The following PCDH9 variants were observed in gnomAD, a reference collection of about 807,000 sequenced individuals.
PCDH9 encodes protocadherin-9.
A neutral mutation model predicts 70.6 loss-of-function variants in PCDH9; 24 were observed. The observed-to-expected ratio is 0.34, with a 90% CI of 0.25 to 0.48. The LOEUF is 0.48. Among genes scored for constraint, PCDH9 ranks in the 20% least tolerant of loss-of-function variants. The pLI, the probability that PCDH9 is intolerant of heterozygous loss-of-function variation, is 0.99. For missense variants in PCDH9, 1,281 were observed against 1,503.6 expected (o/e 0.85, Z 2.45); for synonymous variants, 562 against 558.5 (o/e 1.01, Z -0.09).
At chr13:66,512,274 C>A (rs1959512005) in intron 4 of PCDH9, among the ~76,000 whole-genome samples, 1 of 134,452 alleles carries the variant, frequency 7.4e-6, no homozygotes, top group African/African-American at 2.9e-5. Context: ...ATACAGATAC[C>A]TTAGGAATTA....
chr13:66,308,045 G>A (rs889453654), intron 4 of PCDH9, among the ~76,000 whole-genome samples: 2 of 152,060 alleles, frequency 1.3e-5, no homozygotes, highest in Non-Finnish European at 2.9e-5. Flanking sequence ...TCCTCATGAA[G>A]CTGGGAGCTA....
intron 4 of PCDH9, among the ~76,000 whole-genome samples, chr13:66,427,012 T>C (rs151075665): frequency 5.9e-5 from 9 of 151,586 alleles, no homozygotes; most frequent in Admixed American, 4.6e-4. Context: ...TATGAACACA[T>C]AGCAAAACAA....
intron 3 of PCDH9, among the ~76,000 whole-genome samples, chr13:66,681,483 C>T (rs1433961905): frequency 6.6e-6 from 1 of 152,064 alleles, no homozygotes; most frequent in East Asian, 1.9e-4. Context: ...CTCCAAAATG[C>T]TTAACAGGAC....
At chr13:66,773,146 C>T (rs113455975) in intron 3 of PCDH9, among the ~76,000 whole-genome samples, 5 of 152,254 alleles carry the variant, frequency 3.3e-5, no homozygotes, top group African/African-American at 1.2e-4. Flanking sequence ...GTTTCCATCA[C>T]ATCAAAGACA....
intron 2 of PCDH9, among the ~76,000 whole-genome samples, chr13:67,095,995 A>G (rs1037517782): frequency 6.6e-6 from 1 of 152,234 alleles, no homozygotes; most frequent in African/African-American, 2.4e-5. Context: ...GTAAAATTAT[A>G]CACATTATAG....
intron 3 of PCDH9, among the ~76,000 whole-genome samples, chr13:66,766,041 G>A (rs2079712085): frequency 6.6e-6 from 1 of 151,870 alleles, no homozygotes; most frequent in Non-Finnish European, 1.5e-5. Context: ...GTCTATTTAT[G>A]AAGCCAAATT....
chr13:66,612,495 G>T (rs2077304854), intron 4 of PCDH9, among the ~76,000 whole-genome samples: 2 of 152,266 alleles, frequency 1.3e-5, no homozygotes, highest in Non-Finnish European at 2.9e-5. Flanking sequence ...TTGTAAAGTT[G>T]CCAGATAAAA....
intron 3 of PCDH9, among the ~76,000 whole-genome samples, chr13:66,719,956 A>G (rs928232309): frequency 2.6e-5 from 4 of 152,202 alleles, no homozygotes; most frequent in Admixed American, 1.3e-4. Context: ...GTTCCACAGA[A>G]GAAGGAAGTA....
intron 3 of PCDH9, among the ~76,000 whole-genome samples, chr13:66,891,465 C>G (rs1419690936): frequency 6.6e-6 from 1 of 152,008 alleles, no homozygotes; most frequent in African/African-American, 2.4e-5. Context: ...TGCATGCCTA[C>G]AAATTGCTTA....
intron 2 of PCDH9, among the ~76,000 whole-genome samples, chr13:66,988,020 T>C (rs1160142600): frequency 1.3e-5 from 2 of 151,880 alleles, no homozygotes; most frequent in Admixed American, 1.3e-4. Context: ...CTGCCTCAGC[T>C]TCCCTGGTAG....
At chr13:66,904,947 T>C (rs2082336055) in intron 2 of PCDH9, among the ~76,000 whole-genome samples, 2 of 152,084 alleles carry the variant, frequency 1.3e-5, no homozygotes, top group African/African-American at 4.8e-5. Context: ...ATTTTATATC[T>C]GTTCTCTCTC....
At chr13:67,049,754 T>C (rs1316924674) in intron 2 of PCDH9, among the ~76,000 whole-genome samples, 1 of 152,192 alleles carries the variant, frequency 6.6e-6, no homozygotes, top group East Asian at 1.9e-4. Flanking sequence ...CTCTTGTACC[T>C]CAGCAGTTTA....
intron 3 of PCDH9, among the ~76,000 whole-genome samples, chr13:66,887,757 A>G (rs1443133803): frequency 6.6e-6 from 1 of 152,234 alleles, no homozygotes; most frequent in Non-Finnish European, 1.5e-5. Flanking sequence ...TTGTAAATAA[A>G]CTAGGCACTA....
At chr13:67,065,947 G>T (rs9540987) in intron 2 of PCDH9, among the ~76,000 whole-genome samples, 14,785 of 152,050 alleles carry the variant, frequency 0.097, 791 homozygotes, top group Non-Finnish European at 0.12. Flanking sequence ...ATCATGATTC[G>T]AAAAGAGTCA....
intron 2 of PCDH9, among the ~76,000 whole-genome samples, chr13:67,175,865 C>A (rs3013590): frequency 0.94 from 142,973 of 152,060 alleles, 67,461 homozygotes; most frequent in Non-Finnish European, 0.98. Flanking sequence ...AGAGATGCAC[C>A]AAAATTCAGA....
chr13:66,592,163 A>T (rs1480164652), intron 4 of PCDH9, among the ~76,000 whole-genome samples: 1 of 151,742 alleles, frequency 6.6e-6, no homozygotes, highest in Non-Finnish European at 1.5e-5. Context: ...GACTAAATTC[A>T]TCATTAAGAA....
intron 2 of PCDH9, chr13:67,214,086 G>A (rs1387229580): frequency 4.6e-5 from 7 of 152,116 alleles, no homozygotes; most frequent in Non-Finnish European, 1.5e-5. Context: ...GGGTACTACC[G>A]TAGTGTGTAA....
intron 3 of PCDH9, among the ~76,000 whole-genome samples, chr13:66,637,060 A>T (rs1301497335): frequency 6.6e-6 from 1 of 152,138 alleles, no homozygotes; most frequent in Non-Finnish European, 1.5e-5. Context: ...TTTTATAAGA[A>T]CACAATTTAA....
intron 3 of PCDH9, among the ~76,000 whole-genome samples, chr13:66,795,065 A>G (rs2080220811): frequency 6.6e-6 from 1 of 151,978 alleles, no homozygotes; most frequent in East Asian, 1.9e-4. Flanking sequence ...AGGGTAATAA[A>G]GTATCTTAAG....
Sources: gnomAD v4.1 joint callset for allele counts (sites outside exome capture counted in the v4.1 genomes callset) on GRCh38, gnomAD v4.1.1 for gene constraint, MANE v1.5 for transcripts, NCBI Gene and HGNC (gene_info 2026-07-23, HGNC 2026-07-21) for gene names.